Variants in GAS2 observed in about 807,000 individuals in gnomAD.
The protein encoded by GAS2 is growth arrest specific 2.
Under a neutral mutation model 37.5 loss-of-function variants are expected in GAS2, and 20 were observed. That is an observed-to-expected ratio of 0.53 (90% CI 0.37 to 0.77). The LOEUF (loss-of-function observed/expected upper bound fraction) is 0.77. GAS2 is among the 30% of genes least tolerant of loss of function. The pLI is 0.00. For missense variants in GAS2, 336 were observed against 373.4 expected (o/e 0.90, Z 0.82); for synonymous variants, 144 against 132.2 (o/e 1.09, Z -0.61).
intron 6 of GAS2, among the ~76,000 whole-genome samples, chr11:22,753,684 C>T (rs1254418709): frequency 6.6e-6 from 1 of 152,110 alleles, no homozygotes; most frequent in African/African-American, 2.4e-5. Flanking sequence ...CAATGCCCCT[C>T]CCTTTCTTCA....
upstream of GAS2, among the ~76,000 whole-genome samples, chr11:22,665,922 G>A (rs1018285450): frequency 7.9e-5 from 12 of 152,120 alleles, no homozygotes; most frequent in Non-Finnish European, 1.0e-4. Context: ...AACATTGGAT[G>A]GCAATATACA....
intron 3 of GAS2, among the ~76,000 whole-genome samples, chr11:22,689,305 T>A (rs736854): frequency 0.017 from 2,648 of 152,224 alleles, 76 homozygotes; most frequent in African/African-American, 0.059. Context: ...AAATACCGAT[T>A]ATGACCTCAC....
At chr11:22,660,391 C>T (rs1333152727) in intron 1 of GAS2, among the ~76,000 whole-genome samples, 1 of 152,164 alleles carries the variant, frequency 6.6e-6, no homozygotes, top group East Asian at 1.9e-4. Flanking sequence ...TTTAGGTACT[C>T]ACTTAACAAT....
At position 22,737,685 on chromosome 11, in the gene GAS2, G is replaced by A. The variant is rs370785219; in HGVS notation, c.410-20G>A. On this transcript the variant is annotated intron_variant, in intron 4 of 7. Transcript: ENST00000454584. ...TATTCCTTCTATTGTAAAGGTGTTC[G>A]CCTCTGTCTTGTCTTTCAGTCCTCC... 3.2e-5 allele frequency: 52 copies of A among 1,613,158 alleles called. No homozygotes were observed. The highest frequency in any genetic ancestry group is 1.6e-4 in the South Asian group (15 of 91,070).
upstream of GAS2, among the ~76,000 whole-genome samples, chr11:22,664,225 C>G (rs970070425): frequency 7.2e-5 from 11 of 152,110 alleles, no homozygotes; most frequent in Admixed American, 2.6e-4. Flanking sequence ...TAACCTCAAT[C>G]ATTTATTGAA....
At chr11:22,723,897 T>A (rs147702303) in intron 3 of GAS2, among the ~76,000 whole-genome samples, 1 of 151,962 alleles carries the variant, frequency 6.6e-6, no homozygotes, top group Non-Finnish European at 1.5e-5. Flanking sequence ...TTTGATTTTT[T>A]TTTAAATTTG....
chr11:22,698,290 A>G (rs1850646652), intron 3 of GAS2, among the ~76,000 whole-genome samples: 1 of 152,190 alleles, frequency 6.6e-6, no homozygotes, highest in Non-Finnish European at 1.5e-5. Context: ...AAATTCCTCA[A>G]CACAGTCACC....
chr11:22,674,177 G>A (rs933181730), intron 1 of GAS2, among the ~76,000 whole-genome samples: 1 of 151,672 alleles, frequency 6.6e-6, no homozygotes, highest in African/African-American at 2.4e-5. Flanking sequence ...TGACCTAGCT[G>A]TATGATCTTG....
intron 1 of GAS2, among the ~76,000 whole-genome samples, chr11:22,650,503 A>C (rs997849692): frequency 6.6e-6 from 1 of 151,258 alleles, no homozygotes; most frequent in Non-Finnish European, 1.5e-5. Flanking sequence ...GATCTGTCTA[A>C]TGTTGACAGT....
intron 3 of GAS2, among the ~76,000 whole-genome samples, chr11:22,714,049 G>GT (rs1851544447): frequency 1.3e-5 from 2 of 152,120 alleles, no homozygotes; most frequent in Admixed American, 1.3e-4. Flanking sequence ...AACATTGAAT[G>GT]TAAATGGCTA....
chr11:22,692,598 G>A (rs1850299752), intron 3 of GAS2, among the ~76,000 whole-genome samples: 1 of 152,170 alleles, frequency 6.6e-6, no homozygotes, highest in East Asian at 1.9e-4. Flanking sequence ...TTTCTGATTA[G>A]CCTTTCCAAA....
chr11:22,648,052 T>A (rs1848724654), intron 1 of GAS2, among the ~76,000 whole-genome samples: 1 of 152,228 alleles, frequency 6.6e-6, no homozygotes, highest in Non-Finnish European at 1.5e-5. Context: ...TTTTTATGGT[T>A]TTAGGTCTAA....
intron 7 of GAS2, among the ~76,000 whole-genome samples, chr11:22,788,046 G>A (rs535866753): frequency 4.1e-4 from 63 of 152,266 alleles, no homozygotes; most frequent in African/African-American, 1.4e-3. Context: ...GAAATGGTGT[G>A]CGTTTCCTTA....
intron 1 of GAS2, among the ~76,000 whole-genome samples, chr11:22,660,429 G>A (rs1331508148): frequency 6.6e-6 from 1 of 152,120 alleles, no homozygotes; most frequent in Admixed American, 6.6e-5. Context: ...TTTAAAACTT[G>A]CTATATGCCA....
Position 22,801,450 on chromosome 11 carries a change from G to GTT in GAS2, c.724-10338_724-10337dup, listed in dbSNP as rs59435678. ...TTGATTGGGGTGGGGGCATGGGATA[G>GTT]TTTTTTTTTTTATTATTTAATGTTA... On this transcript the variant is annotated intron_variant, in intron 7 of 7. Coordinates refer to ENST00000454584, the MANE Select transcript of GAS2 (RefSeq NM_001143830.3). Among the ~76,000 whole-genome samples, 1,041 of 147,684 alleles carry GTT rather than the reference G, an allele frequency of 7.0e-3. 9 individuals are homozygous for GTT. Among genetic ancestry groups the GTT allele is most frequent in the Middle Eastern group, 0.025 (7 of 280 alleles).
chr11:22,637,960 C>T lies in GAS2; in HGVS notation c.-21+12147C>T, dbSNP rs535982125. On this transcript the variant is annotated intron_variant, in intron 1 of 5. Coordinates refer to the GAS2 transcript ENST00000528582. ...GAATTATGTAACCTTACATATATTC[C>T]CACTTTTTCTTTTTCCAGTTTCAGT... 2.6e-5 allele frequency among the ~76,000 whole-genome samples: 4 copies of T among 151,712 alleles called. No homozygotes were observed. The South Asian group carries it at 8.3e-4, about 32-fold the overall frequency.
intron 1 of GAS2, among the ~76,000 whole-genome samples, chr11:22,644,788 A>C (rs1163157041): frequency 2.0e-5 from 3 of 151,926 alleles, no homozygotes; most frequent in South Asian, 2.1e-4. Context: ...CACCTGGATA[A>C]ATTTTTGTAT....
At chr11:22,659,536 A>G (rs1445866434) in intron 1 of GAS2, among the ~76,000 whole-genome samples, 1 of 152,068 alleles carries the variant, frequency 6.6e-6, no homozygotes, top group African/African-American at 2.4e-5. Context: ...TTTTCCTCAA[A>G]AGCCTTCTTC....
intron 3 of GAS2, among the ~76,000 whole-genome samples, chr11:22,704,338 A>C (rs1850995716): frequency 6.6e-6 from 1 of 151,936 alleles, no homozygotes; most frequent in African/African-American, 2.4e-5. Flanking sequence ...ATTAAAAATC[A>C]ACATTGAAAC....
Sources: gnomAD v4.1 joint callset for allele counts (sites outside exome capture counted in the v4.1 genomes callset) on GRCh38, gnomAD v4.1.1 for gene constraint, MANE v1.5 for transcripts, NCBI Gene and HGNC (gene_info 2026-07-23, HGNC 2026-07-21) for gene names.